Variants in PCDHA5 observed in about 807,000 individuals in gnomAD.
PCDHA5 encodes protocadherin alpha 5, also known as protocadherin alpha-5.
In PCDHA5, 43 loss-of-function variants were observed where a neutral mutation model predicts 61.6. The ratio of observed to expected loss-of-function variants is 0.70; its 90% CI spans 0.55 to 0.90. The LOEUF (loss-of-function observed/expected upper bound fraction) is 0.90, where lower values mean the gene tolerates loss of function less well. PCDHA5 is among the 40% of genes least tolerant of loss of function. The pLI, the probability that PCDHA5 is intolerant of heterozygous loss-of-function variation, is 0.00. For synonymous variants in PCDHA5, 627 were observed against 543.9 expected, an observed-to-expected ratio of 1.15 and a Z score of -2.13; for missense variants, 1,298 against 1,222.7, an observed-to-expected ratio of 1.06 and a Z score of -0.92.
intron 1 of PCDHA5, among the ~76,000 whole-genome samples, chr5:140,897,000 T>C (rs2065833068): frequency 6.6e-6 from 1 of 152,180 alleles, no homozygotes; most frequent in Non-Finnish European, 1.5e-5. Context: ...CTTTTAGTTA[T>C]TTTTAAATAT....
intron 1 of PCDHA5, chr5:140,851,028 C>G: frequency 7.1e-7 from 1 of 1,410,134 alleles, no homozygotes. Flanking sequence ...AAAGTAAACC[C>G]CTTAACATTG....
intron 1 of PCDHA5, among the ~76,000 whole-genome samples, chr5:140,878,794 T>G (rs2057730678): frequency 6.6e-6 from 1 of 152,218 alleles, no homozygotes; most frequent in African/African-American, 2.4e-5. Flanking sequence ...CAATCACTTT[T>G]TAAAAACATA....
rs150930880 is a variant in PCDHA5, at chr5:140,823,487, G to A, written c.1712G>A (p.Gly571Asp). 6.2e-7 allele frequency: 1 copy of A among 1,613,144 alleles called. No homozygotes were observed. Among genetic ancestry groups the A allele is most frequent in the East Asian group, 2.2e-5 (1 of 44,864 alleles). ...APALLVPRVG[G>D]TGGAVSELVP... ...GCGCTGCTGGTGCCTCGAGTGGGTG[G>A]CACCGGCGGCGCAGTGAGCGAGCTG... The change falls in exon 1 of 4, where the codon GGC becomes GAC. Residue 571 changes from glycine to aspartate, a missense_variant. Physicochemically the swap from Gly to Asp is moderately conservative, Grantham distance 94. Transcript: ENST00000529859.
chr5:140,886,023 C>A (rs759768435), intron 1 of PCDHA5, among the ~76,000 whole-genome samples: 5 of 152,078 alleles, frequency 3.3e-5, no homozygotes, highest in Non-Finnish European at 7.4e-5. Flanking sequence ...GCTATGTATT[C>A]TTCACTAAGT....
At position 140,822,157 on chromosome 5, in the gene PCDHA5, A is replaced by C; in HGVS notation, c.382A>C (p.Asn128His). The change falls in exon 1 of 4, where the codon AAT becomes CAT. Residue 128 changes from asparagine to histidine, a missense_variant. Coordinates refer to ENST00000529859, the MANE Select transcript of PCDHA5 (RefSeq NM_018908.3). ...GGTGGCAGTGAAGGACATCAATGACAATCCGCCCAGGTTCTCCAGACAAGA... is the reference window on the plus strand; with the variant it reads ...GGTGGCAGTGAAGGACATCAATGACCATCCGCCCAGGTTCTCCAGACAAGA... ...VEVAVKDIND[N>H]PPRFSRQEQR... 6.2e-7 allele frequency: 1 copy of C among 1,614,258 alleles called. No individual in the cohort carries two copies. Among genetic ancestry groups the C allele is most frequent in the South Asian group, 1.1e-5 (1 of 91,084 alleles).
chr5:140,875,381 A>G, intron 1 of PCDHA5: 7 of 1,461,296 alleles, frequency 4.8e-6, no homozygotes, highest in Non-Finnish European at 6.3e-6. Flanking sequence ...CTAAATATGT[A>G]CTTACAGAAA....
intron 1 of PCDHA5, among the ~76,000 whole-genome samples, chr5:140,838,485 T>G (rs1233460301): frequency 1.3e-5 from 2 of 151,892 alleles, no homozygotes; most frequent in Non-Finnish European, 2.9e-5. Flanking sequence ...TGTTTTTGAT[T>G]ATTTGCTTTC....
chr5:140,870,553 C>T, intron 1 of PCDHA5: 1 of 1,614,032 alleles, frequency 6.2e-7, no homozygotes, highest in East Asian at 2.2e-5. Flanking sequence ...CGCGGACGCG[C>T]AGGAGAACGC....
At chr5:140,927,494 T>C (rs1235909927) in intron 1 of PCDHA5, 5 of 1,614,018 alleles carry the variant, frequency 3.1e-6, no homozygotes, top group Non-Finnish European at 4.2e-6. Context: ...ACCCACCTGC[T>C]GGTGCTTACA....
At chr5:140,967,785 G>A (rs1554229943) in intron 1 of PCDHA5, 6 of 1,614,176 alleles carry the variant, frequency 3.7e-6, no homozygotes, top group Admixed American at 3.3e-5. Context: ...GCGACTGACC[G>A]GGGTCCAGTG....
Position 140,850,830 on chromosome 5 carries a change from T to C in PCDHA5, c.2352+26703T>C. On this transcript the variant is annotated intron_variant, in intron 1 of 3. Coordinates refer to ENST00000529859, the MANE Select transcript of PCDHA5 (RefSeq NM_018908.3). ...GGCCTTCAGCCCGGGCCTTTCTCCTTGTGCTGGATCTACAGAGCGAACGGG... is the reference window on the plus strand; with the variant it reads ...GGCCTTCAGCCCGGGCCTTTCTCCTCGTGCTGGATCTACAGAGCGAACGGG... 1.9e-6 allele frequency: 3 copies of C among 1,598,162 alleles called. 1 individual carries two copies. The highest frequency in any genetic ancestry group is 2.6e-6 in the Non-Finnish European group (3 of 1,167,540).
At chr5:140,936,347 G>A (rs2090928614) in intron 1 of PCDHA5, among the ~76,000 whole-genome samples, 1 of 152,066 alleles carries the variant, frequency 6.6e-6, no homozygotes, top group South Asian at 2.1e-4. Flanking sequence ...CTGCATATAT[G>A]GAATGTGTAG....
rs782099262 is a variant in PCDHA5 at position 140,927,918 on chromosome 5, C to A, written c.2353-51031C>A. 3.7e-6 allele frequency: 6 copies of A among 1,614,220 alleles called. No homozygotes were observed. In the South Asian group the frequency reaches 4.4e-5, roughly 12 times the overall value. ...ACGATCATGCCCCCGAACTGGACTT[C>A]CTGACTCTTTCGAACCCAGTACCTG... On this transcript the variant is annotated intron_variant, in intron 1 of 3. Transcript: ENST00000529859.
chr5:140,890,836 C>A (rs1189670490), intron 1 of PCDHA5, among the ~76,000 whole-genome samples: 1 of 151,884 alleles, frequency 6.6e-6, no homozygotes, highest in Admixed American at 6.6e-5. Flanking sequence ...ACATATTTAC[C>A]AGTTTTGTTT....
In PCDHA5 at chr5:140,876,415, G is replaced by C. The variant is rs782679956; in HGVS notation, c.2352+52288G>C. 3 of 1,613,842 alleles carry C rather than the reference G, an allele frequency of 1.9e-6. No individual in the cohort carries two copies. The African/African-American group carries it at 4.0e-5, about 22-fold the overall frequency. On this transcript the variant is annotated intron_variant, in intron 1 of 3. Transcript: ENST00000529859. ...TGAACTGGATTTTGAAGAGAATAATGCCTATGAAATTCAGGTTAACGCCAT... is the reference window on the plus strand; with the variant it reads ...TGAACTGGATTTTGAAGAGAATAATCCCTATGAAATTCAGGTTAACGCCAT...
chr5:140,827,633 G>A (rs143632043), intron 1 of PCDHA5, among the ~76,000 whole-genome samples: 6 of 152,330 alleles, frequency 3.9e-5, no homozygotes, highest in African/African-American at 1.4e-4. Flanking sequence ...GTGTAGAATA[G>A]TTTACATTTC....
In PCDHA5 at chr5:140,822,752, C is replaced by A. The variant is rs200831175; in HGVS notation, c.977C>A (p.Thr326Lys). The A allele has an allele frequency of 8.1e-5, 131 of 1,613,696 alleles. No individual in the cohort carries two copies. In the African/African-American group the frequency reaches 1.6e-3, roughly 20 times the overall value. Reference protein sequence around the residue: ...EINIDAMDKSTFPLSGHCKVV... With the variant: ...EINIDAMDKSKFPLSGHCKVV... ...AATATTGATGCCATGGATAAAAGTA[C>A]ATTCCCATTATCAGGACACTGTAAA... Residue 326 changes from threonine to lysine, a missense_variant, in exon 1 of 4, where the codon ACA (threonine) becomes AAA (lysine). Coordinates refer to ENST00000529859, the MANE Select transcript of PCDHA5 (RefSeq NM_018908.3).
intron 1 of PCDHA5, chr5:140,829,146 T>C (rs372034322): frequency 1.2e-6 from 2 of 1,613,848 alleles, no homozygotes; most frequent in Non-Finnish European, 1.7e-6. Context: ...GAGATAGCAC[T>C]GACTTCCTTA....
chr5:140,841,897 T>C (rs1403032733), intron 1 of PCDHA5: 2 of 1,613,728 alleles, frequency 1.2e-6, no homozygotes, highest in Middle Eastern at 1.6e-4. Context: ...ATAAACTGGT[T>C]GAGCTCGTAT....
Sources: allele counts gnomAD v4.1 joint callset (sites outside exome capture counted in the v4.1 genomes callset), GRCh38; gene constraint gnomAD v4.1.1; transcripts MANE v1.5; gene names NCBI Gene and HGNC (gene_info 2026-07-23, HGNC 2026-07-21).